Variants in SV2C observed in about 807,000 individuals in gnomAD.
SV2C encodes synaptic vesicle glycoprotein 2C, also known as solute carrier family 22 member B3.
SV2C carries 49 observed loss-of-function variants against 79.7 expected under a neutral mutation model. The ratio of observed to expected loss-of-function variants is 0.61; its 90% CI spans 0.49 to 0.78. The LOEUF is 0.78. Among genes scored for constraint, SV2C ranks in the 30% least tolerant of loss-of-function variants. The probability of loss-of-function intolerance (pLI) is 0.00; values close to 1 mark genes in which losing one functional copy is unlikely to be tolerated. For missense variants in SV2C, 833 were observed against 912.9 expected (o/e 0.91, Z 1.13); for synonymous variants, 334 against 333.2 (o/e 1.00, Z -0.03).
At chr5:76,139,856 A>ATTTTTTTTTTTTTTTTTTTTTTT (rs3079931) in intron 2 of SV2C, among the ~76,000 whole-genome samples, 1 of 65,356 alleles carries the variant, frequency 1.5e-5, no homozygotes, top group African/African-American at 4.8e-5. Context: ...TCTTGAAAGT[A>ATTTTTTTTTTTTTTTTTTTTTTT]TTTTTTTTTT....
At chr5:76,076,772 G>T in the SV2C span, among the ~76,000 whole-genome samples, 2 of 152,146 alleles carry the variant, frequency 1.3e-5, no homozygotes, top group Non-Finnish European at 2.9e-5. Flanking sequence ...GCTTTACTAA[G>T]CATCAAGGCA....
chr5:76,134,905 A>G (rs1304028392), intron 2 of SV2C, among the ~76,000 whole-genome samples: 1 of 152,224 alleles, frequency 6.6e-6, no homozygotes, highest in African/African-American at 2.4e-5. Flanking sequence ...TAGGACAAAA[A>G]AGAGAGGCAA....
chr5:76,097,187 T>C (rs1747595254), intron 1 of SV2C, among the ~76,000 whole-genome samples: 1 of 152,200 alleles, frequency 6.6e-6, no homozygotes. Context: ...TCCCAGCAGA[T>C]ATCTATTTAG....
intron 12 of SV2C, among the ~76,000 whole-genome samples, chr5:76,309,119 T>G (rs1748315184): frequency 6.6e-6 from 1 of 152,186 alleles, no homozygotes; most frequent in Admixed American, 6.5e-5. Flanking sequence ...AAATACCAGC[T>G]AACAAGCTCT....
At chr5:76,343,566 A>G (rs1749483816) in intron 12 of SV2C, among the ~76,000 whole-genome samples, 1 of 152,196 alleles carries the variant, frequency 6.6e-6, no homozygotes. Context: ...TGATAATACC[A>G]TGTGCTGACA....
the SV2C span, among the ~76,000 whole-genome samples, chr5:76,008,399 A>G: frequency 1.3e-5 from 2 of 152,184 alleles, no homozygotes; most frequent in African/African-American, 4.8e-5. Context: ...ACCTATATCC[A>G]CAGAGACAAA....
intron 1 of SV2C, among the ~76,000 whole-genome samples, chr5:76,120,566 G>T (rs541466482): frequency 7.8e-6 from 1 of 128,474 alleles, no homozygotes; most frequent in Non-Finnish European, 1.5e-5. Flanking sequence ...CCCTTCCTGT[G>T]TCCATGTGTT....
chr5:75,904,992 A>G, the SV2C span, among the ~76,000 whole-genome samples: 1 of 152,216 alleles, frequency 6.6e-6, no homozygotes, highest in African/African-American at 2.4e-5. Flanking sequence ...AGATAATCCA[A>G]CACTTCAAAT....
chr5:75,941,443 T>C, the SV2C span, among the ~76,000 whole-genome samples: 1 of 152,200 alleles, frequency 6.6e-6, no homozygotes, highest in Non-Finnish European at 1.5e-5. Flanking sequence ...ATGCTTGTTA[T>C]AAGATAGCCA....
the SV2C span, among the ~76,000 whole-genome samples, chr5:75,888,591 C>A: frequency 2.0e-5 from 3 of 152,176 alleles, no homozygotes; most frequent in Non-Finnish European, 4.4e-5. Flanking sequence ...GCCTTTAGGT[C>A]TCAACTTAAC....
intron 4 of SV2C, among the ~76,000 whole-genome samples, chr5:76,259,473 G>C (rs192496680): frequency 2.0e-5 from 3 of 152,236 alleles, no homozygotes; most frequent in Admixed American, 6.5e-5. Flanking sequence ...GGATACATGT[G>C]TTGAACATGC....
the SV2C span, among the ~76,000 whole-genome samples, chr5:75,881,180 G>T: frequency 6.6e-6 from 1 of 152,140 alleles, no homozygotes; most frequent in African/African-American, 2.4e-5. Flanking sequence ...CAAAACTGGG[G>T]ATTATGTTTC....
In SV2C at chr5:76,329,862, T is replaced by C. The variant is rs1400578943; in HGVS notation, c.*4315T>C. 1 of 152,186 alleles carries C rather than the reference T, an allele frequency of 6.6e-6. No homozygotes were observed. Among genetic ancestry groups the C allele is most frequent in the Non-Finnish European group, 1.5e-5 (1 of 68,030 alleles). 9.4% of individuals were successfully genotyped at this position (152,186 alleles called of 1,614,324 possible). A position where few individuals can be genotyped will look rare whatever the true frequency, so the allele number is the denominator to read the frequency against. ...CAGAAAGACAACTGGGATATTGGTG[T>C]TAAGGGGCATATCGGCTGTATGTTA... On this transcript the variant is annotated 3_prime_UTR_variant, in exon 13 of 13. Transcript: ENST00000502798.
intron 12 of SV2C, among the ~76,000 whole-genome samples, chr5:76,304,356 C>T (rs1580052921): frequency 2.0e-5 from 3 of 152,278 alleles, no homozygotes; most frequent in Admixed American, 2.0e-4. Context: ...CCACCATTTC[C>T]ATGTTTCTCT....
At chr5:76,268,381 A>G (rs1185900249) in intron 4 of SV2C, among the ~76,000 whole-genome samples, 1 of 152,172 alleles carries the variant, frequency 6.6e-6, no homozygotes. Flanking sequence ...GGAGTCCAGG[A>G]GGCAGGAGCT....
chr5:76,247,697 G>T (rs1018792762), intron 4 of SV2C, among the ~76,000 whole-genome samples: 2 of 152,160 alleles, frequency 1.3e-5, no homozygotes, highest in African/African-American at 4.8e-5. Context: ...AAGAAAATCT[G>T]TGCACTTGAA....
Position 76,333,864 on chromosome 5 carries a change from T to A in SV2C, c.*8317T>A, listed in dbSNP as rs1475162058. On this transcript the variant is annotated 3_prime_UTR_variant, in exon 13 of 13. Coordinates refer to ENST00000502798, the MANE Select transcript of SV2C (RefSeq NM_014979.4). ...ATTGTGTATACATTTATATGCCAGA[T>A]AACTAACATTCATGTAACAGCTGCA... The A allele has an allele frequency of 6.6e-6, 1 of 152,216 alleles. No homozygotes were observed. The highest frequency in any genetic ancestry group is 1.5e-5 in the Non-Finnish European group (1 of 68,042). The allele number at this position is 152,216 out of a possible 1,614,324, so 9.4% of individuals were successfully genotyped here.
At chr5:75,952,257 TC>T in the SV2C span, among the ~76,000 whole-genome samples, 1 of 106,670 alleles carries the variant, frequency 9.4e-6, no homozygotes, top group South Asian at 3.6e-4. Flanking sequence ...TTTCCTTCCT[TC>T]CTTCCTTCCT....
the SV2C span, among the ~76,000 whole-genome samples, chr5:75,907,603 A>C: frequency 3.5e-4 from 53 of 152,302 alleles, no homozygotes; most frequent in African/African-American, 1.2e-3. Context: ...ATCATAAGGC[A>C]TAAGTAAGAG....
Sources: allele counts gnomAD v4.1 joint callset (sites outside exome capture counted in the v4.1 genomes callset), GRCh38; gene constraint gnomAD v4.1.1; transcripts MANE v1.5; gene names NCBI Gene and HGNC (gene_info 2026-07-23, HGNC 2026-07-21).